PDE1C: variants seen among roughly 807,000 people sequenced by gnomAD.
PDE1C encodes dual specificity calcium/calmodulin-dependent 3',5'-cyclic nucleotide phosphodiesterase 1C.
A neutral mutation model predicts 93.1 loss-of-function variants in PDE1C; 62 were observed. The observed-to-expected ratio is 0.67, with a 90% CI of 0.54 to 0.82. The LOEUF (loss-of-function observed/expected upper bound fraction) is 0.82. Ranked by LOEUF, PDE1C falls within the 40% of genes least tolerant of loss-of-function variation. PDE1C has a pLI of 0.00. For synonymous variants in PDE1C, 325 were observed against 310.1 expected (o/e 1.05, Z -0.50); for missense variants, 742 against 884.6 (o/e 0.84, Z 2.04).
intron 1 of PDE1C, among the ~76,000 whole-genome samples, chr7:32,065,194 G>A (rs914179480): frequency 1.3e-5 from 2 of 152,126 alleles, no homozygotes; most frequent in Non-Finnish European, 2.9e-5. Context: ...CATAGAGAAG[G>A]TTCACTAGAA....
intron 1 of PDE1C, among the ~76,000 whole-genome samples, chr7:32,230,228 G>A (rs1311144430): frequency 6.6e-6 from 1 of 152,200 alleles, no homozygotes; most frequent in Non-Finnish European, 1.5e-5. Flanking sequence ...AAACCATAGT[G>A]ATGGCCCCCA....
At chr7:31,914,493 G>C (rs1801634946) in intron 2 of PDE1C, among the ~76,000 whole-genome samples, 1 of 152,184 alleles carries the variant, frequency 6.6e-6, no homozygotes, top group Non-Finnish European at 1.5e-5. Flanking sequence ...GAGGAATCTA[G>C]TGAAAGCAAA....
chr7:31,903,666 C>A (rs1376022225), intron 2 of PDE1C, among the ~76,000 whole-genome samples: 1 of 151,996 alleles, frequency 6.6e-6, no homozygotes, highest in East Asian at 1.9e-4. Context: ...TCAGGATAGT[C>A]TATTCTTTTC....
chr7:31,825,984 C>G (rs1002520948), intron 12 of PDE1C, among the ~76,000 whole-genome samples: 2 of 152,148 alleles, frequency 1.3e-5, no homozygotes, highest in African/African-American at 4.8e-5. Flanking sequence ...AGGCCTAGAA[C>G]TATACCTTTG....
rs193026269 is a variant in PDE1C at position 31,845,746 on chromosome 7, T to A, written c.980+2222A>T. Reference sequence around the variant, plus strand: ...TGGCTCATGCCTGTAATCCCAGCACTTTGGGAGGCCAAGGCTAGTGGGTCA... The same window carrying A: ...TGGCTCATGCCTGTAATCCCAGCACATTGGGAGGCCAAGGCTAGTGGGTCA... On this transcript the variant is annotated intron_variant, in intron 9 of 17. Transcript: ENST00000396191. Among the ~76,000 whole-genome samples the A allele has an allele frequency of 3.3e-3, 496 of 152,208 alleles. 2 individuals carry two copies. Among genetic ancestry groups the A allele is most frequent in the Admixed American group, 4.5e-3 (69 of 15,284 alleles).
chr7:31,829,042 T>C (rs991473585), intron 11 of PDE1C, among the ~76,000 whole-genome samples: 6 of 152,196 alleles, frequency 3.9e-5, no homozygotes, highest in Non-Finnish European at 7.3e-5. Context: ...ATAATGGAGA[T>C]GTTTTCTAAA....
chr7:31,867,573 G>A (rs909066853), intron 6 of PDE1C, among the ~76,000 whole-genome samples: 1 of 152,130 alleles, frequency 6.6e-6, no homozygotes, highest in Admixed American at 6.5e-5. Flanking sequence ...GCCTGTTGTA[G>A]CCACCTCTAT....
At chr7:31,907,247 G>A (rs1800716612) in intron 2 of PDE1C, among the ~76,000 whole-genome samples, 1 of 152,068 alleles carries the variant, frequency 6.6e-6, no homozygotes, top group African/African-American at 2.4e-5. Context: ...CTCATTCTCT[G>A]CATTCCTGTG....
chr7:31,687,512 T>C, the PDE1C span, among the ~76,000 whole-genome samples: 5 of 152,216 alleles, frequency 3.3e-5, no homozygotes, highest in African/African-American at 7.2e-5. Context: ...TGTAAAAGAC[T>C]GAACCCTCAC....
At chr7:31,951,014 C>T (rs902183126) in intron 2 of PDE1C, among the ~76,000 whole-genome samples, 5 of 152,116 alleles carry the variant, frequency 3.3e-5, no homozygotes, top group Non-Finnish European at 1.5e-5. Context: ...CTCCTGATGC[C>T]TCTCTTCTTG....
chr7:32,209,175 T>C (rs566035553), intron 2 of PDE1C, among the ~76,000 whole-genome samples: 2 of 152,162 alleles, frequency 1.3e-5, no homozygotes, highest in South Asian at 2.1e-4. Flanking sequence ...TCTGAAGGGG[T>C]GGTCGGGGGA....
intron 3 of PDE1C, among the ~76,000 whole-genome samples, chr7:32,101,689 T>G (rs1329008355): frequency 6.6e-6 from 1 of 152,212 alleles, no homozygotes. Context: ...CTTCTTAGCC[T>G]GCAGAACCGT....
At chr7:32,362,002 A>C (rs1784145761) in intron 1 of PDE1C, among the ~76,000 whole-genome samples, 3 of 152,188 alleles carry the variant, frequency 2.0e-5, no homozygotes, top group Admixed American at 2.0e-4. Flanking sequence ...TGCTCTGTGG[A>C]GACTGGCAAG....
intron 16 of PDE1C, among the ~76,000 whole-genome samples, chr7:31,802,356 C>T (rs189571470): frequency 2.4e-4 from 37 of 151,510 alleles, no homozygotes; most frequent in South Asian, 1.9e-3. Flanking sequence ...CCCATTTCTC[C>T]CCTACTGGAC....
chr7:32,085,365 C>T (rs1797002254), intron 3 of PDE1C, among the ~76,000 whole-genome samples: 2 of 137,068 alleles, frequency 1.5e-5, no homozygotes, highest in African/African-American at 5.6e-5. Flanking sequence ...TAATCAATAG[C>T]TTACCAACCA....
chr7:32,208,076 G>A (rs942867255), intron 2 of PDE1C, among the ~76,000 whole-genome samples: 18 of 152,220 alleles, frequency 1.2e-4, no homozygotes, highest in Admixed American at 1.1e-3. Flanking sequence ...GGGCAGTGAG[G>A]AATGGGGCTC....
At chr7:32,044,237 C>T (rs907198120) in intron 2 of PDE1C, among the ~76,000 whole-genome samples, 2 of 151,768 alleles carry the variant, frequency 1.3e-5, no homozygotes, top group African/African-American at 4.8e-5. Flanking sequence ...GATGGGATTT[C>T]AACAGATAAA....
At chr7:31,942,756 G>A (rs562394640) in intron 2 of PDE1C, among the ~76,000 whole-genome samples, 10 of 152,230 alleles carry the variant, frequency 6.6e-5, no homozygotes, top group South Asian at 4.1e-4. Flanking sequence ...CTTGGGACAC[G>A]TTCCAATGAG....
chr7:32,136,767 A>C (rs970957221), intron 3 of PDE1C, among the ~76,000 whole-genome samples: 2 of 152,010 alleles, frequency 1.3e-5, no homozygotes, highest in Non-Finnish European at 2.9e-5. Flanking sequence ...CTTTGCCCCC[A>C]GGATAAATCT....
Sources: allele counts gnomAD v4.1 joint callset (sites outside exome capture counted in the v4.1 genomes callset), GRCh38; gene constraint gnomAD v4.1.1; transcripts MANE v1.5; gene names NCBI Gene and HGNC (gene_info 2026-07-23, HGNC 2026-07-21).